NCOA7: variants seen among roughly 807,000 people sequenced by gnomAD.
The protein encoded by NCOA7 is nuclear receptor coactivator 7.
Under a neutral mutation model 104.3 loss-of-function variants are expected in NCOA7, and 45 were observed. The observed-to-expected ratio is 0.43, with a 90% CI of 0.34 to 0.55. The LOEUF is 0.55. Ranked by LOEUF, NCOA7 falls within the 20% of genes least tolerant of loss-of-function variation. NCOA7 has a pLI of 0.02. For missense variants in NCOA7, 1,041 were observed against 1,119.7 expected (o/e 0.93, Z 1.00); for synonymous variants, 398 against 402.3 (o/e 0.99, Z 0.13).
chr6:125,924,224 C>T (rs1370405681), intron 13 of NCOA7, among the ~76,000 whole-genome samples: 6 of 152,200 alleles, frequency 3.9e-5, no homozygotes, highest in Admixed American at 3.9e-4. Context: ...GTCCTATTTA[C>T]TTACCAAAAT....
intron 10 of NCOA7, among the ~76,000 whole-genome samples, chr6:125,904,321 A>T (rs1370323436): frequency 3.9e-5 from 6 of 152,036 alleles, no homozygotes; most frequent in Non-Finnish European, 8.8e-5. Flanking sequence ...CTGTGCTAAC[A>T]TTTTTTTGTT....
intron 7 of NCOA7, 169 bp downstream of exon 7, chr6:125,882,720 ACTG>A: frequency 1.5e-6 from 1 of 680,652 alleles, no homozygotes; most frequent in Non-Finnish European, 2.4e-6. Context: ...AATTTTACTT[ACTG>A]AGGTAAATGT....
At chr6:125,851,722 T>A (rs1684730902) in intron 2 of NCOA7, among the ~76,000 whole-genome samples, 1 of 152,204 alleles carries the variant, frequency 6.6e-6, no homozygotes, top group African/African-American at 2.4e-5. Context: ...AATGTATAAG[T>A]GTTCCCTTTT....
chr6:125,899,335 C>T (rs1240560826), intron 10 of NCOA7, among the ~76,000 whole-genome samples: 1 of 152,190 alleles, frequency 6.6e-6, no homozygotes, highest in Non-Finnish European at 1.5e-5. Context: ...GATCAAAAGT[C>T]ACCTTGCTTC....
chr6:125,880,300 AT>A (rs1783713386), intron 5 of NCOA7, among the ~76,000 whole-genome samples: 1 of 151,992 alleles, frequency 6.6e-6, no homozygotes, highest in Non-Finnish European at 1.5e-5. Context: ...GGTTTGTTCC[AT>A]TTCTACCTGG....
intron 10 of NCOA7, among the ~76,000 whole-genome samples, chr6:125,908,288 A>AAC (rs745483531): frequency 2.0e-5 from 3 of 152,234 alleles, no homozygotes; most frequent in East Asian, 3.8e-4. Flanking sequence ...AAACCTAAGA[A>AAC]ACACACACAT....
intron 2 of NCOA7, among the ~76,000 whole-genome samples, chr6:125,829,550 C>T (rs1359128362): frequency 6.6e-6 from 1 of 152,200 alleles, no homozygotes; most frequent in African/African-American, 2.4e-5. Context: ...GCTGCAGCAT[C>T]CTCTCCAGCA....
intron 2 of NCOA7, among the ~76,000 whole-genome samples, chr6:125,824,126 T>C (rs1288365356): frequency 6.6e-6 from 1 of 152,202 alleles, no homozygotes; most frequent in Non-Finnish European, 1.5e-5. Flanking sequence ...CATTGGCTGA[T>C]TGGCAGCTGT....
At chr6:125,792,861 C>T (rs1774988468) in intron 1 of NCOA7, among the ~76,000 whole-genome samples, 1 of 151,114 alleles carries the variant, frequency 6.6e-6, no homozygotes, top group African/African-American at 2.4e-5. Context: ...GTTTTGATTT[C>T]ATCTTTTTTC....
intron 1 of NCOA7, among the ~76,000 whole-genome samples, chr6:125,807,694 A>G (rs1161323988): frequency 6.6e-6 from 1 of 152,210 alleles, no homozygotes; most frequent in Non-Finnish European, 1.5e-5. Flanking sequence ...CTACGTCTCC[A>G]AATGGCTGAT....
chr6:125,928,507 T>G lies in NCOA7; in HGVS notation c.2694-129T>G, dbSNP rs1037377134. 9 of 1,058,792 alleles carry G rather than the reference T, an allele frequency of 8.5e-6. No homozygotes were observed. The Middle Eastern group carries it at 8.7e-4, about 102-fold the overall frequency. The allele number at this position is 1,058,792 out of a possible 1,614,324, so 65.6% of individuals were successfully genotyped here. ...TAAATGAAATAAAGGAAATGTATCCTGGTTTTATAAGCAGTTTAGAATTTT... is the reference window on the plus strand; with the variant it reads ...TAAATGAAATAAAGGAAATGTATCCGGGTTTTATAAGCAGTTTAGAATTTT... On this transcript the variant is annotated intron_variant, in intron 15 of 15. Coordinates refer to ENST00000392477, the MANE Select transcript of NCOA7 (RefSeq NM_181782.5).
intron 2 of NCOA7, among the ~76,000 whole-genome samples, chr6:125,833,125 G>C (rs1779322266): frequency 6.6e-6 from 1 of 152,186 alleles, no homozygotes; most frequent in Non-Finnish European, 1.5e-5. Context: ...ATTGGCACTA[G>C]AAATTTGTGA....
chr6:125,846,883 T>C (rs760901509), intron 2 of NCOA7, among the ~76,000 whole-genome samples: 99 of 152,206 alleles, frequency 6.5e-4, no homozygotes, highest in Non-Finnish European at 2.4e-4. Flanking sequence ...TTTGTGAGGA[T>C]AGGCTAATAT....
rs770352602 is a variant in NCOA7 at position 125,889,973 on chromosome 6, C to G, written c.1919C>G (p.Pro640Arg). 1.3e-6 allele frequency: 2 copies of G among 1,517,508 alleles called. No homozygotes were observed. The highest frequency in any genetic ancestry group is 2.7e-5 in the South Asian group (2 of 74,146). The allele number at this position is 1,517,508 out of a possible 1,614,324, so 94.0% of individuals were successfully genotyped here. A position where few individuals can be genotyped will look rare whatever the true frequency, so the allele number is the denominator to read the frequency against. Reference protein sequence around the residue: ...QLWLLKRIQVPIEDILPSKEE... With the variant: ...QLWLLKRIQVRIEDILPSKEE... ...TGGCTGTTAAAGAGAATTCAGGTAC[C>G]CATTGAAGGTAAGCTGTTTTTCTTT... The change falls in exon 9 of 16, where the codon CCC becomes CGC. Residue 640 changes from proline (P) to arginine (R), a missense_variant. Physicochemically the swap from Pro to Arg is moderately radical, Grantham distance 103. Coordinates refer to ENST00000392477, the MANE Select transcript of NCOA7 (RefSeq NM_181782.5).
chr6:125,817,981 G>A (rs1467131769), intron 2 of NCOA7, among the ~76,000 whole-genome samples: 9 of 151,250 alleles, frequency 6.0e-5, no homozygotes, highest in East Asian at 3.9e-4. Context: ...CTTCCTCCCC[G>A]TCTCCCTTCC....
chr6:125,912,775 C>T (rs977018954), intron 10 of NCOA7, among the ~76,000 whole-genome samples: 3 of 152,100 alleles, frequency 2.0e-5, no homozygotes, highest in Non-Finnish European at 4.4e-5. Context: ...CCTCAGTTTC[C>T]CTCCCAACAC....
intron 1 of NCOA7, among the ~76,000 whole-genome samples, chr6:125,801,043 AATAAC>A (rs1450581645): frequency 6.6e-6 from 1 of 152,214 alleles, no homozygotes; most frequent in Non-Finnish European, 1.5e-5. Context: ...TCAAAAAAGA[AATAAC>A]ATAAAGAAAA....
At chr6:125,815,929 T>A (rs1294167374) in intron 2 of NCOA7, among the ~76,000 whole-genome samples, 2 of 152,222 alleles carry the variant, frequency 1.3e-5, no homozygotes, top group African/African-American at 2.4e-5. Flanking sequence ...TGAATAGAAG[T>A]AATGTAGTAT....
intron 10 of NCOA7, among the ~76,000 whole-genome samples, chr6:125,903,114 G>A (rs987859668): frequency 1.7e-4 from 26 of 152,216 alleles, no homozygotes; most frequent in African/African-American, 5.5e-4. Flanking sequence ...TTTGAATATG[G>A]TGTCTCCTTT....
Sources: gnomAD v4.1 joint callset for allele counts (sites outside exome capture counted in the v4.1 genomes callset) on GRCh38, gnomAD v4.1.1 for gene constraint, MANE v1.5 for transcripts, NCBI Gene and HGNC (gene_info 2026-07-23, HGNC 2026-07-21) for gene names.